The following MYT1L variants were observed in gnomAD, a reference collection of about 807,000 sequenced individuals.
The protein encoded by MYT1L is myelin transcription factor 1 like.
A neutral mutation model predicts 126.7 loss-of-function variants in MYT1L; 12 were observed. The ratio of observed to expected loss-of-function variants is 0.09; its 90% CI spans 0.06 to 0.15. The LOEUF (loss-of-function observed/expected upper bound fraction) is 0.15. MYT1L is among the 10% of genes least tolerant of loss of function. The pLI, the probability that MYT1L is intolerant of heterozygous loss-of-function variation, is 1.00. For synonymous variants in MYT1L, 541 were observed against 604.2 expected (o/e 0.90, Z 1.53); for missense variants, 979 against 1,585.2 (o/e 0.62, Z 6.49).
chr2:1,947,740 T>C (rs2057367835), intron 8 of MYT1L, among the ~76,000 whole-genome samples: 1 of 151,896 alleles, frequency 6.6e-6, no homozygotes, highest in South Asian at 2.1e-4. Context: ...AGAAAAAAAA[T>C]AGTTGATCAA....
rs2060436838 is a variant in MYT1L, at chr2:1,979,460, T to G, written c.89+61A>C. On this transcript the variant is annotated intron_variant, in intron 7 of 24. Transcript: ENST00000647738. This position sits in a 1 kb window ranked among gnomAD's most constrained non-coding sequence, Gnocchi z 4.0. ...TGAGCTGGAAGGTGCAGTGTGCCCA[T>G]TAGAAGGCGTGAATTTTCCAAACTG... 1 of 1,505,856 alleles carries G rather than the reference T, an allele frequency of 6.6e-7. No homozygotes were observed. The highest frequency in any genetic ancestry group is 2.3e-5 in the East Asian group (1 of 44,324). The allele number at this position is 1,505,856 out of a possible 1,614,324, so 93.3% of individuals were successfully genotyped here.
chr2:2,310,376 A>T (rs1260164422), intron 1 of MYT1L, among the ~76,000 whole-genome samples: 4 of 145,848 alleles, frequency 2.7e-5, no homozygotes, highest in Non-Finnish European at 4.6e-5. Flanking sequence ...ACTCTATCTA[A>T]ACTCCACCTA....
intron 3 of MYT1L, among the ~76,000 whole-genome samples, chr2:2,151,832 A>G (rs2085846369): frequency 1.3e-5 from 2 of 152,176 alleles, no homozygotes; most frequent in Admixed American, 1.3e-4. Context: ...AAGGTGGGTG[A>G]TCACCTGAGG....
At chr2:2,127,658 T>C (rs1324228485) in intron 3 of MYT1L, among the ~76,000 whole-genome samples, 6 of 152,192 alleles carry the variant, frequency 3.9e-5, no homozygotes, top group African/African-American at 1.2e-4. Context: ...CCACGCAGCA[T>C]GTGCACGTCT....
At chr2:2,044,248 T>C (rs565166659) in intron 4 of MYT1L, among the ~76,000 whole-genome samples, 2 of 152,364 alleles carry the variant, frequency 1.3e-5, no homozygotes, top group East Asian at 3.9e-4. Flanking sequence ...CTATAAATCA[T>C]TGCACAATTT....
intron 4 of MYT1L, among the ~76,000 whole-genome samples, chr2:2,006,238 C>A (rs1048068936): frequency 7.2e-5 from 11 of 152,118 alleles, no homozygotes; most frequent in African/African-American, 2.7e-4. Flanking sequence ...CTAGTTTCTC[C>A]ATTTCATTAA....
chr2:2,300,074 C>G (rs1222153346), intron 1 of MYT1L, among the ~76,000 whole-genome samples: 1 of 152,114 alleles, frequency 6.6e-6, no homozygotes, highest in Non-Finnish European at 1.5e-5. Context: ...GGAAAAAACA[C>G]AAAACAAGAT....
intron 2 of MYT1L, among the ~76,000 whole-genome samples, chr2:2,206,970 G>T (rs768066448): frequency 6.6e-6 from 1 of 152,250 alleles, no homozygotes; most frequent in East Asian, 1.9e-4. Flanking sequence ...TATGGAGAAA[G>T]CATTCCTGCT....
intron 21 of MYT1L, among the ~76,000 whole-genome samples, chr2:1,830,302 T>TA (rs2148266074): frequency 6.6e-6 from 1 of 152,302 alleles, no homozygotes; most frequent in East Asian, 1.9e-4. Flanking sequence ...AATGTCCTGA[T>TA]CTTTAAAACA....
Position 1,811,370 on chromosome 2 carries a change from A to G in MYT1L, c.3081-2203T>C, listed in dbSNP as rs74496619. On this transcript the variant is annotated intron_variant, in intron 21 of 24. Coordinates refer to ENST00000647738, the MANE Select transcript of MYT1L (RefSeq NM_001303052.2). The surrounding 1 kb of genome is among the most constrained non-coding windows in gnomAD (Gnocchi z 4.4). ...TAACCCCAGCGTCATCAGCTCCAGC[A>G]TCATCAGCTCTGGCGTCATCAGCTC... 260 of 147,194 alleles carry G rather than the reference A, an allele frequency of 1.8e-3. No homozygotes were observed. Among genetic ancestry groups the G allele is most frequent in the African/African-American group, 2.7e-3 (108 of 39,418 alleles). 9.1% of individuals were successfully genotyped at this position (147,194 alleles called of 1,614,324 possible).
intron 4 of MYT1L, among the ~76,000 whole-genome samples, chr2:2,023,069 A>C (rs1007212297): frequency 6.6e-6 from 1 of 152,238 alleles, no homozygotes. Flanking sequence ...TGTGCTGCCC[A>C]CATCTTTGTC....
At chr2:2,326,153 T>A (rs1215147508) in intron 1 of MYT1L, 1 of 152,378 alleles carries the variant, frequency 6.6e-6, no homozygotes, top group East Asian at 1.9e-4. Flanking sequence ...CACAGTTCCC[T>A]CTGTGTTTCC....
intron 4 of MYT1L, among the ~76,000 whole-genome samples, chr2:2,004,130 CCTT>C: frequency 6.7e-6 from 1 of 150,208 alleles, no homozygotes; most frequent in Non-Finnish European, 1.5e-5. Flanking sequence ...TTCCTGTGTG[CCTT>C]CTTTCCTGCA....
intron 3 of MYT1L, among the ~76,000 whole-genome samples, chr2:2,071,201 T>C (rs2074554558): frequency 6.6e-6 from 1 of 152,190 alleles, no homozygotes; most frequent in African/African-American, 2.4e-5. Flanking sequence ...TTTGGAGTTC[T>C]GAAAGGTTTT....
chr2:1,876,369 G>A (rs189752219), intron 18 of MYT1L, among the ~76,000 whole-genome samples: 9 of 152,140 alleles, frequency 5.9e-5, no homozygotes, highest in East Asian at 1.9e-4. Flanking sequence ...CGTGGCCTTC[G>A]TGCCATCCGT....
At chr2:2,324,975 C>T (rs919691322) in intron 1 of MYT1L, 1 of 152,240 alleles carries the variant, frequency 6.6e-6, no homozygotes, top group Non-Finnish European at 1.5e-5. Flanking sequence ...TGCCTTGTAC[C>T]CACAGGCCCC....
intron 21 of MYT1L, among the ~76,000 whole-genome samples, chr2:1,837,149 A>G (rs1338129224): frequency 2.0e-5 from 3 of 152,184 alleles, no homozygotes; most frequent in Non-Finnish European, 4.4e-5. Context: ...CTCTGACCCT[A>G]ACATACAATG....
At chr2:1,972,151 G>A (rs945242568) in intron 8 of MYT1L, among the ~76,000 whole-genome samples, 2 of 152,134 alleles carry the variant, frequency 1.3e-5, no homozygotes, top group African/African-American at 4.8e-5. Flanking sequence ...TGGTTTGGAG[G>A]CTGCGTGCAC....
intron 2 of MYT1L, among the ~76,000 whole-genome samples, chr2:2,174,702 A>G (rs902639803): frequency 1.3e-5 from 2 of 152,104 alleles, no homozygotes; most frequent in African/African-American, 4.8e-5. Context: ...CAACTAGCAT[A>G]TAAACTTGAC....
Sources: gnomAD v4.1 joint callset for allele counts (sites outside exome capture counted in the v4.1 genomes callset) on GRCh38, gnomAD v4.1.1 for gene constraint, Gnocchi (gnomAD v3.1) non-coding constraint, MANE v1.5 for transcripts, NCBI Gene and HGNC (gene_info 2026-07-23, HGNC 2026-07-21) for gene names.